The following SPATA7 variants were observed in gnomAD, a reference collection of about 807,000 sequenced individuals.
SPATA7 encodes spermatogenesis associated 7.
In SPATA7, 43 loss-of-function variants were observed where a neutral mutation model predicts 51.8. That is an observed-to-expected ratio of 0.83 (90% CI 0.65 to 1.07). The LOEUF is 1.07. SPATA7 is among the 50% of genes least tolerant of loss of function. The probability of loss-of-function intolerance (pLI) is 0.00; values close to 1 mark genes in which losing one functional copy is unlikely to be tolerated. For missense variants in SPATA7, 683 were observed against 701.3 expected (o/e 0.97, Z 0.30); for synonymous variants, 230 against 252.8 (o/e 0.91, Z 0.86).
chr14:88,469,846 G>C lies in SPATA7; in HGVS notation c.255-1G>C, dbSNP rs771087200. On this transcript the variant is annotated splice_acceptor_variant, in intron 4 of 4. Coordinates refer to the SPATA7 transcript ENST00000556406. LOFTEE classifies it high-confidence loss of function. This position sits in a 1 kb window ranked among gnomAD's most constrained non-coding sequence, Gnocchi z 4.3. ...ACCCTACCCTGCCTTTTTCTCCACAGGTCAGGATTCCAGATGATTAACATT... is the reference window on the plus strand; with the variant it reads ...ACCCTACCCTGCCTTTTTCTCCACACGTCAGGATTCCAGATGATTAACATT... The C allele has an allele frequency of 5.0e-6, 8 of 1,607,284 alleles. No individual in the cohort carries two copies. The South Asian group carries it at 8.8e-5, about 18-fold the overall frequency.
intron 4 of SPATA7, among the ~76,000 whole-genome samples, chr14:88,461,566 T>C (rs2077317868): frequency 6.6e-6 from 1 of 152,128 alleles, no homozygotes; most frequent in Non-Finnish European, 1.5e-5. Context: ...AAAAGCTCAG[T>C]ATTTGGGTGG....
downstream of SPATA7, among the ~76,000 whole-genome samples, chr14:88,439,566 A>T (rs764041350): frequency 3.9e-5 from 6 of 152,226 alleles, no homozygotes; most frequent in Non-Finnish European, 7.3e-5. Context: ...TTAAAAAAAT[A>T]CAACCCAGGT....
At chr14:88,454,201 G>T (rs2077269509) in intron 3 of SPATA7, among the ~76,000 whole-genome samples, 1 of 152,180 alleles carries the variant, frequency 6.6e-6, no homozygotes, top group Non-Finnish European at 1.5e-5. Context: ...GGCTGTAGGG[G>T]AGAATCTGTT....
chr14:88,410,549 T>A (rs1001698087), intron 4 of SPATA7: 1 of 152,220 alleles, frequency 6.6e-6, no homozygotes, highest in Non-Finnish European at 1.5e-5. Context: ...TTTTGGTCTT[T>A]GCTGTTGGTG....
downstream of SPATA7, among the ~76,000 whole-genome samples, chr14:88,459,594 G>T (rs993346503): frequency 1.3e-5 from 2 of 151,648 alleles, no homozygotes; most frequent in African/African-American, 4.9e-5. Context: ...CCTTTGTTTT[G>T]AGCCTATGTG....
intron 3 of SPATA7, among the ~76,000 whole-genome samples, chr14:88,448,228 A>G (rs2077227596): frequency 6.6e-6 from 1 of 151,684 alleles, no homozygotes; most frequent in Non-Finnish European, 1.5e-5. Context: ...GCTTCATTTC[A>G]TTCATTTCAT....
At chr14:88,464,418 CA>C (rs1267686341) in intron 4 of SPATA7, among the ~76,000 whole-genome samples, 1 of 152,038 alleles carries the variant, frequency 6.6e-6, no homozygotes, top group Non-Finnish European at 1.5e-5. Flanking sequence ...CATTTCTATC[CA>C]AAAGAGTTCC....
intron 4 of SPATA7, 37 bp from the exon 5 acceptor site, chr14:88,416,674 T>G: frequency 6.2e-7 from 1 of 1,608,974 alleles, no homozygotes; most frequent in Non-Finnish European, 8.5e-7. Flanking sequence ...ATTTTCTATT[T>G]TGTTCCATAT....
intron 4 of SPATA7, among the ~76,000 whole-genome samples, chr14:88,402,873 A>C (rs1388302669): frequency 6.6e-6 from 1 of 151,274 alleles, no homozygotes; most frequent in African/African-American, 2.4e-5. Flanking sequence ...TAGGCAACTT[A>C]CAGAATGGGA....
chr14:88,410,843 G>C (rs1032861191), intron 4 of SPATA7: 1 of 153,754 alleles, frequency 6.5e-6, no homozygotes, highest in Non-Finnish European at 1.4e-5. Flanking sequence ...ACCCCTGCTG[G>C]GAGGCATGGG....
intron 1 of SPATA7, among the ~76,000 whole-genome samples, chr14:88,388,794 G>A (rs1396632940): frequency 4.6e-5 from 7 of 152,088 alleles, no homozygotes; most frequent in African/African-American, 9.7e-5. Context: ...CTAGAATTAC[G>A]GGAAAGTACT....
chr14:88,413,354 T>G (rs1352453927), intron 4 of SPATA7, among the ~76,000 whole-genome samples: 2 of 152,192 alleles, frequency 1.3e-5, no homozygotes, highest in Non-Finnish European at 1.5e-5. Flanking sequence ...AGCTTGAATA[T>G]CATTGGTGTA....
In SPATA7 at chr14:88,385,740, C is replaced by T. The variant is rs1012076564; in HGVS notation, c.-79C>T. ...TCGGCTCCTCTTTTCCAGTCCTCCA[C>T]TGCCGGGGCTGGGCCCGGCCGCGGG... On this transcript the variant is annotated 5_prime_UTR_variant, in exon 1 of 12. Coordinates refer to ENST00000393545, the MANE Select transcript of SPATA7 (RefSeq NM_018418.5). 1.4e-6 allele frequency: 2 copies of T among 1,422,110 alleles called. No homozygotes were observed. Among genetic ancestry groups the T allele is most frequent in the Non-Finnish European group, 2.0e-6 (2 of 1,023,564 alleles). The allele number at this position is 1,422,110 out of a possible 1,614,324, so 88.1% of individuals were successfully genotyped here. A position where few individuals can be genotyped will look rare whatever the true frequency, so the allele number is the denominator to read the frequency against.
At chr14:88,414,658 T>C in intron 4 of SPATA7, 1 of 404,274 alleles carries the variant, frequency 2.5e-6, no homozygotes, top group Non-Finnish European at 4.9e-6. Flanking sequence ...GAGATCTTTC[T>C]GTCTTCTTGA....
intron 10 of SPATA7, among the ~76,000 whole-genome samples, chr14:88,434,965 A>G (rs558588285): frequency 1.3e-5 from 2 of 152,312 alleles, no homozygotes; most frequent in East Asian, 3.9e-4. Context: ...GTTGTTTTTT[A>G]AGAAACTGTT....
chr14:88,416,786 C>A lies in SPATA7; in HGVS notation c.314C>A (p.Thr105Asn), dbSNP rs769850431. Residue 105 changes from threonine to asparagine, a missense_variant, in exon 5 of 12, where the codon ACT becomes AAT. Physicochemically the swap from Thr to Asn is moderately conservative, Grantham distance 65. Transcript: ENST00000393545. Reference protein sequence around the residue: ...QCEKEFKLTKTAMRANYKNNS... With the variant: ...QCEKEFKLTKNAMRANYKNNS... ...GAAAAAGAGTTCAAATTAACTAAAA[C>A]TGCAATGCGAGCCAATTATAAAAAT... 2.5e-6 allele frequency: 4 copies of A among 1,609,856 alleles called. No homozygotes were observed. Among genetic ancestry groups the A allele is most frequent in the Admixed American group, 1.7e-5 (1 of 59,974 alleles).
chr14:88,399,712 G>A (rs193010908), intron 4 of SPATA7, among the ~76,000 whole-genome samples: 7 of 152,102 alleles, frequency 4.6e-5, no homozygotes, highest in Non-Finnish European at 8.8e-5. Flanking sequence ...GAGCCACCGC[G>A]CCTGGCCTTA....
chr14:88,386,674 TTC>T (rs2075587770), intron 1 of SPATA7, among the ~76,000 whole-genome samples: 1 of 152,180 alleles, frequency 6.6e-6, no homozygotes, highest in Non-Finnish European at 1.5e-5. Context: ...TTTTCACACT[TTC>T]TGAGCCAGTA....
intron 3 of SPATA7, 136 bp from the exon 4 acceptor site, chr14:88,396,020 C>T (rs8011218): frequency 0.016 from 11,648 of 719,192 alleles, 129 homozygotes; most frequent in East Asian, 0.029. Flanking sequence ...TATTTTTAAT[C>T]AAGGATCTTG....
Sources: gnomAD v4.1 joint callset for allele counts (sites outside exome capture counted in the v4.1 genomes callset) on GRCh38, gnomAD v4.1.1 for gene constraint, Gnocchi (gnomAD v3.1) non-coding constraint, MANE v1.5 for transcripts, NCBI Gene and HGNC (gene_info 2026-07-23, HGNC 2026-07-21) for gene names.